Variants in RBFOX1 observed in about 807,000 individuals in gnomAD.
The protein encoded by RBFOX1 is RNA binding protein fox-1 homolog 1.
A neutral mutation model predicts 57.7 loss-of-function variants in RBFOX1; 8 were observed. That is an observed-to-expected ratio of 0.14 (90% confidence interval 0.08 to 0.25). The LOEUF (loss-of-function observed/expected upper bound fraction) is 0.25. RBFOX1 is among the 10% of genes least tolerant of loss of function. The pLI, the probability that RBFOX1 is intolerant of heterozygous loss-of-function variation, is 1.00. For synonymous variants in RBFOX1, 326 were observed against 222.4 expected (o/e 1.47, Z -4.15); for missense variants, 611 against 548.5 (o/e 1.11, Z -1.14).
intron 3 of RBFOX1, among the ~76,000 whole-genome samples, chr16:6,842,027 C>T (rs929116106): frequency 6.6e-6 from 1 of 151,596 alleles, no homozygotes; most frequent in African/African-American, 2.4e-5. Flanking sequence ...CCTGTAGTCC[C>T]AGCTACACGG....
At chr16:6,367,411 C>T (rs1427211158) in intron 2 of RBFOX1, among the ~76,000 whole-genome samples, 1 of 152,098 alleles carries the variant, frequency 6.6e-6, no homozygotes, top group Admixed American at 6.5e-5. Flanking sequence ...GCTGGGATTA[C>T]AGGCATGCAC....
intron 3 of RBFOX1, among the ~76,000 whole-genome samples, chr16:6,918,620 AT>A (rs2073787542): frequency 1.3e-5 from 2 of 152,010 alleles, no homozygotes; most frequent in South Asian, 4.2e-4. Context: ...CCCAAATCTC[AT>A]ACCCTTCTCA....
At chr16:5,528,323 C>T (rs1301790762) in intron 2 of RBFOX1, among the ~76,000 whole-genome samples, 1 of 152,068 alleles carries the variant, frequency 6.6e-6, no homozygotes, top group East Asian at 1.9e-4. Flanking sequence ...GAGCGTGACT[C>T]AGTAGATCTG....
chr16:6,094,725 C>T (rs185509220), intron 1 of RBFOX1, among the ~76,000 whole-genome samples: 1 of 152,280 alleles, frequency 6.6e-6, no homozygotes, highest in East Asian at 1.9e-4. Context: ...GAAATAATGA[C>T]AGTATCAACC....
chr16:6,666,220 C>A (rs1229966621), intron 3 of RBFOX1, among the ~76,000 whole-genome samples: 1 of 152,114 alleles, frequency 6.6e-6, no homozygotes, highest in African/African-American at 2.4e-5. Flanking sequence ...TGAAAACAGA[C>A]TAATACAGGA....
intron 5 of RBFOX1, among the ~76,000 whole-genome samples, chr16:7,537,290 T>C (rs1377318719): frequency 6.6e-6 from 1 of 152,178 alleles, no homozygotes; most frequent in Non-Finnish European, 1.5e-5. Flanking sequence ...CTGCCAGAGC[T>C]CTCTGTAATA....
chr16:6,448,705 A>G (rs1215117085), intron 2 of RBFOX1, among the ~76,000 whole-genome samples: 1 of 152,148 alleles, frequency 6.6e-6, no homozygotes, highest in African/African-American at 2.4e-5. Context: ...CATTTAGGAT[A>G]TCATCAACTG....
intron 11 of RBFOX1, among the ~76,000 whole-genome samples, chr16:7,644,584 C>A (rs1367823502): frequency 2.6e-5 from 4 of 152,184 alleles, no homozygotes. Context: ...TCTTTCGTAA[C>A]TGTAGGACTA....
Position 6,137,382 on chromosome 16 carries a change from G to A in RBFOX1, c.-127+117390G>A, listed in dbSNP as rs77447650. 7.6e-3 allele frequency among the ~76,000 whole-genome samples: 1,153 copies of A among 152,194 alleles called. 5 individuals carry two copies. The highest frequency in any genetic ancestry group is 0.012 in the Non-Finnish European group (796 of 68,022). Reference sequence around the variant, plus strand: ...TGTAGTGGCGTGATCCCGGCTCACTGCAGCTGCCTTCTCCCAGGTTCAAGT... The same window carrying A: ...TGTAGTGGCGTGATCCCGGCTCACTACAGCTGCCTTCTCCCAGGTTCAAGT... On this transcript the variant is annotated intron_variant, in intron 1 of 15. Coordinates refer to ENST00000550418, the MANE Select transcript of RBFOX1 (RefSeq NM_018723.4).
intron 4 of RBFOX1, chr16:7,126,288 G>A (rs1323230914): frequency 6.3e-6 from 2 of 316,064 alleles, no homozygotes; most frequent in Non-Finnish European, 6.1e-6. Context: ...GAAGGACTCA[G>A]CTCCTTACAT....
At chr16:6,747,431 T>G (rs1365244702) in intron 3 of RBFOX1, among the ~76,000 whole-genome samples, 1 of 139,276 alleles carries the variant, frequency 7.2e-6, no homozygotes, top group Non-Finnish European at 1.5e-5. Flanking sequence ...AATCTATCAG[T>G]CAGTCAGTCA....
intron 3 of RBFOX1, among the ~76,000 whole-genome samples, chr16:5,861,960 AT>A (rs1463920067): frequency 6.6e-6 from 1 of 152,140 alleles, no homozygotes; most frequent in African/African-American, 2.4e-5. Context: ...TGTACGTGAG[AT>A]TAAAGTTTTA....
chr16:5,909,089 C>T lies in RBFOX1; in HGVS notation c.351+41754C>T, dbSNP rs2343342. ...TATCGGCTCCAACAGACTAAGCCCC[C>T]CTTTTTTTTTTTTTTTTTTTTGAGA... On this transcript the variant is annotated intron_variant, in intron 4 of 19. Coordinates refer to the RBFOX1 transcript ENST00000641259. 3.7e-3 allele frequency among the ~76,000 whole-genome samples: 296 copies of T among 79,446 alleles called. 11 individuals are homozygous for T. The highest frequency in any genetic ancestry group is 0.01 in the Middle Eastern group (1 of 100). The allele number at this position is 79,446 out of a possible 152,430, so 52.1% of individuals were successfully genotyped here.
chr16:6,863,678 A>AAG (rs1555543073), intron 3 of RBFOX1, among the ~76,000 whole-genome samples: 25 of 146,644 alleles, frequency 1.7e-4, no homozygotes, highest in East Asian at 1.2e-3. Flanking sequence ...CTTAAAAAAA[A>AAG]AAAAAGAAAA....
At chr16:7,181,935 G>C (rs952126313) in intron 4 of RBFOX1, among the ~76,000 whole-genome samples, 2 of 152,256 alleles carry the variant, frequency 1.3e-5, no homozygotes, top group South Asian at 4.2e-4. Context: ...AAACTCAGCC[G>C]TCGAAATACA....
In RBFOX1 at chr16:6,040,376, A is replaced by G. The variant is rs1310506717; in HGVS notation, c.-127+20384A>G. ...GTAACTCCTCATTCCTTCCTTCCCTAGTCCCTGGCAACCAACATTCTACTT... is the reference window on the plus strand; with the variant it reads ...GTAACTCCTCATTCCTTCCTTCCCTGGTCCCTGGCAACCAACATTCTACTT... On this transcript the variant is annotated intron_variant, in intron 1 of 15. Coordinates refer to ENST00000550418, the MANE Select transcript of RBFOX1 (RefSeq NM_018723.4). 2.6e-5 allele frequency among the ~76,000 whole-genome samples: 4 copies of G among 152,242 alleles called. 1 individual carries two copies. The South Asian group carries it at 6.2e-4, about 24-fold the overall frequency.
chr16:7,283,236 C>T (rs143732027), intron 4 of RBFOX1, among the ~76,000 whole-genome samples: 159 of 151,944 alleles, frequency 1.0e-3, no homozygotes, highest in African/African-American at 3.7e-3. Flanking sequence ...CTGCTTGTCT[C>T]TCTCTGTTCG....
In RBFOX1 at chr16:7,655,737, A is replaced by G. The variant is rs191639429; in HGVS notation, c.890+1790A>G. On this transcript the variant is annotated intron_variant, in intron 12 of 15. Coordinates refer to ENST00000550418, the MANE Select transcript of RBFOX1 (RefSeq NM_018723.4). ...TTCGTTTGAAAATTGTTCTCAGTAC[A>G]TGGGAGTTGAAGGGTTTTAGTATAT... Among the ~76,000 whole-genome samples, 29 of 152,236 alleles carry G rather than the reference A, an allele frequency of 1.9e-4. No individual in the cohort carries two copies. The East Asian group carries it at 5.2e-3, about 27-fold the overall frequency.
At chr16:6,187,932 G>C (rs980662249) in intron 1 of RBFOX1, among the ~76,000 whole-genome samples, 1 of 152,150 alleles carries the variant, frequency 6.6e-6, no homozygotes, top group African/African-American at 2.4e-5. Flanking sequence ...GTGCATATGT[G>C]TGCACATGAA....
Sources: gnomAD v4.1 joint callset for allele counts (sites outside exome capture counted in the v4.1 genomes callset) on GRCh38, gnomAD v4.1.1 for gene constraint, MANE v1.5 for transcripts, NCBI Gene and HGNC (gene_info 2026-07-23, HGNC 2026-07-21) for gene names.